The following CEP295 variants were observed in gnomAD, a reference collection of about 807,000 sequenced individuals.
CEP295 encodes the protein centrosomal protein 295.
In CEP295, 190 loss-of-function variants were observed where a neutral mutation model predicts 291.6. That is an observed-to-expected ratio of 0.65 (90% CI 0.58 to 0.73). CEP295 has a LOEUF of 0.73. Ranked by LOEUF, CEP295 falls within the 30% of genes least tolerant of loss-of-function variation. CEP295 has a pLI of 0.00. For synonymous variants in CEP295, 993 were observed against 1,038.8 expected, an observed-to-expected ratio of 0.96 and a Z score of 0.85; for missense variants, 2,863 against 2,949.4, an observed-to-expected ratio of 0.97 and a Z score of 0.68.
chr11:93,699,234 G>A lies in CEP295; in HGVS notation c.4322G>A (p.Gly1441Glu), dbSNP rs3802773. The change falls in exon 15 of 30, where the codon GGG (glycine) becomes GAG (glutamate). Residue 1441 changes from glycine to glutamate, a missense_variant. Gly to Glu is a moderately conservative substitution (Grantham distance 98). This residue lies in a region of CEP295 where 2,295 missense variants were observed against 2,335.7 expected (regional missense o/e 0.98). Coordinates refer to ENST00000325212, the MANE Select transcript of CEP295 (RefSeq NM_033395.2). ...GHSEIPTLPD[G>E]LLGLSHLVLP... ...TCAGAGATACCAACATTGCCTGATG[G>A]GCTGTTGGGTTTATCACATCTTGTT... 2.2e-3 allele frequency: 3,405 copies of A among 1,551,728 alleles called. 99 individuals are homozygous for A. The East Asian group carries it at 0.068, about 31-fold the overall frequency.
chr11:93,685,788 A>G (rs534271676), intron 9 of CEP295, among the ~76,000 whole-genome samples: 215 of 152,130 alleles, frequency 1.4e-3, no homozygotes, highest in African/African-American at 4.8e-3. Flanking sequence ...TTGGCTCACC[A>G]CAACCTCCAC....
intron 22 of CEP295, among the ~76,000 whole-genome samples, chr11:93,725,138 C>G (rs1007545604): frequency 1.3e-5 from 2 of 151,844 alleles, no homozygotes; most frequent in Non-Finnish European, 2.9e-5. Context: ...CCTGTAGTCC[C>G]AGCTACTCGG....
At position 93,699,332 on chromosome 11, in the gene CEP295, G is replaced by C; in HGVS notation, c.4420G>C (p.Glu1474Gln). 1 of 1,552,016 alleles carries C rather than the reference G, an allele frequency of 6.4e-7. No homozygotes were observed. Among genetic ancestry groups the C allele is most frequent in the South Asian group, 1.2e-5 (1 of 84,050 alleles). The part of the protein sequence containing the change: ...HAQTDFLPSI[E>Q]KTQKELVLSK... Reference sequence around the variant, plus strand: ...ACAGACAGATTTCCTTCCTTCTATTGAGAAAACCCAGAAAGAATTGGTTTT... The same window carrying C: ...ACAGACAGATTTCCTTCCTTCTATTCAGAAAACCCAGAAAGAATTGGTTTT... Residue 1474 changes from glutamate to glutamine, a missense_variant, in exon 15 of 30, where the codon GAG (glutamate) becomes CAG (glutamine). Transcript: ENST00000325212.
At position 93,697,588 on chromosome 11, in the gene CEP295, A is replaced by G; in HGVS notation, c.2676A>G (p.Val892=). 1 of 1,551,794 alleles carries G rather than the reference A, an allele frequency of 6.4e-7. No individual in the cohort carries two copies. The highest frequency in any genetic ancestry group is 8.7e-7 in the Non-Finnish European group (1 of 1,146,984). ...QTGLSVFLPL[V]TPDSSALLPS... ...GCCTCTCGGTATTCCTTCCCTTGGT[A>G]ACTCCAGATTCATCTGCTTTATTGC... The change falls in exon 15 of 30, where the codon GTA becomes GTG. Residue 892 remains valine (V), a synonymous_variant. Transcript: ENST00000325212.
In CEP295 at chr11:93,679,567, C is replaced by T. The variant is rs1009160029; in HGVS notation, c.765+15C>T. On this transcript the variant is annotated intron_variant, in intron 7 of 29. Transcript: ENST00000325212. ...ATTTGGCTCAAGTAAGACTTATATT[C>T]TACCCATGACCATTACTCATGGACT... 6.5e-7 allele frequency: 1 copy of T among 1,548,344 alleles called. No homozygotes were observed. Among genetic ancestry groups the T allele is most frequent in the South Asian group, 1.2e-5 (1 of 83,634 alleles).
At chr11:93,692,727 C>T (rs963140765) in intron 12 of CEP295, among the ~76,000 whole-genome samples, 1 of 152,018 alleles carries the variant, frequency 6.6e-6, no homozygotes, top group African/African-American at 2.4e-5. Flanking sequence ...AATCCCAGCA[C>T]TTTGGGAGGC....
chr11:93,695,455 A>G, intron 12 of CEP295, 42 bp from the exon 13 acceptor site: 2 of 1,285,322 alleles, frequency 1.6e-6, no homozygotes, highest in East Asian at 6.1e-5. Context: ...TTGCCTTTGT[A>G]TGAGTTTGTT....
At chr11:93,669,869 GTTTT>G in intron 5 of CEP295, 99 bp downstream of exon 5, 1 of 725,260 alleles carries the variant, frequency 1.4e-6, no homozygotes, top group Non-Finnish European at 2.3e-6. Context: ...AATTGTACAA[GTTTT>G]CTTGTACAAT....
chr11:93,697,947 C>G lies in CEP295; in HGVS notation c.3035C>G (p.Thr1012Arg), dbSNP rs1029785249. 1.9e-5 allele frequency: 29 copies of G among 1,551,556 alleles called. No individual in the cohort carries two copies. The Admixed American group carries it at 3.7e-4, about 20-fold the overall frequency. Residue 1012 changes from threonine to arginine, a missense_variant, in exon 15 of 30, where the codon ACA (threonine) becomes AGA (arginine). Physicochemically the swap from Thr to Arg is moderately conservative, Grantham distance 71 (BLOSUM62 -1). Transcript: ENST00000325212. The part of the protein sequence containing the change: ...HTFTSLPSAD[T>R]KSGKIQEQHS... The stretch of plus-strand genomic sequence containing the variant: ...TTTACTTCACTACCATCTGCTGATA[C>G]AAAATCTGGAAAAATACAGGAGCAA...
Position 93,702,446 on chromosome 11 carries a change from C to A in CEP295, c.5275-14C>A. On this transcript the variant is annotated splice_polypyrimidine_tract_variant and intron_variant, in intron 15 of 29. Transcript: ENST00000325212. ...CCAACTTGTGCTTCCCCACCCTCAT[C>A]TCCACTTTTTCAGATAAGTAAGCCC... The A allele has an allele frequency of 6.6e-7, 1 of 1,510,152 alleles. No homozygotes were observed. The highest frequency in any genetic ancestry group is 8.9e-7 in the Non-Finnish European group (1 of 1,129,546). The allele number at this position is 1,510,152 out of a possible 1,614,324, so 93.5% of individuals were successfully genotyped here.
Position 93,687,802 on chromosome 11 carries a change from C to T in CEP295, c.1273C>T (p.Pro425Ser), listed in dbSNP as rs1228282977. Residue 425 changes from proline to serine, a missense_variant, in exon 10 of 30, where the codon CCA (proline) becomes TCA (serine). Physicochemically the swap from Pro to Ser is moderately conservative, Grantham distance 74. Coordinates refer to ENST00000325212, the MANE Select transcript of CEP295 (RefSeq NM_033395.2). ...TGTTAGTGAAATTGAGAGTAAAGCA[C>T]CAACGGTTGAGTCAGGAACAATTGC... Reference protein sequence around the residue: ...TTVSEIESKAPTVESGTIASK... With the variant: ...TTVSEIESKASTVESGTIASK... 6.4e-7 allele frequency: 1 copy of T among 1,551,320 alleles called. No homozygotes were observed. The highest frequency in any genetic ancestry group is 2.4e-5 in the East Asian group (1 of 40,880).
intron 12 of CEP295, 71 bp downstream of exon 12, chr11:93,692,101 T>G: frequency 6.0e-6 from 5 of 830,988 alleles, no homozygotes; most frequent in Non-Finnish European, 9.6e-6. Context: ...GTTTGGCCAA[T>G]GAAATTTGTC....
At chr11:93,713,449 A>T (rs1344016502) in intron 18 of CEP295, among the ~76,000 whole-genome samples, 1 of 152,150 alleles carries the variant, frequency 6.6e-6, no homozygotes, top group African/African-American at 2.4e-5. Flanking sequence ...CTTTTGAAGG[A>T]TATTTTTGCC....
intron 18 of CEP295, among the ~76,000 whole-genome samples, chr11:93,708,294 C>T (rs1023605590): frequency 2.6e-5 from 4 of 152,154 alleles, no homozygotes; most frequent in East Asian, 3.8e-4. Context: ...ACTCCCCCAA[C>T]GACCCCCAAC....
At chr11:93,716,547 AG>A (rs1479005056) in intron 18 of CEP295, among the ~76,000 whole-genome samples, 2 of 152,166 alleles carry the variant, frequency 1.3e-5, no homozygotes, top group African/African-American at 2.4e-5. Context: ...TGTATACAGG[AG>A]GGTATCTTTA....
chr11:93,707,709 A>G (rs939374453), intron 18 of CEP295, among the ~76,000 whole-genome samples: 1 of 152,024 alleles, frequency 6.6e-6, no homozygotes, highest in Non-Finnish European at 1.5e-5. Context: ...AGATCAAGCC[A>G]CTGCACTCCA....
In CEP295 at chr11:93,698,884, T is replaced by C. The variant is rs764218629; in HGVS notation, c.3972T>C (p.Phe1324=). 8 of 1,551,598 alleles carry C rather than the reference T, an allele frequency of 5.2e-6. No individual in the cohort carries two copies. The highest frequency in any genetic ancestry group is 2.0e-5 in the Admixed American group (1 of 50,970). The change falls in exon 15 of 30, where the codon TTT becomes TTC. Residue 1324 remains phenylalanine, a synonymous_variant. Transcript: ENST00000325212. ...PLFTESESKI[F]SSHLQIPQLQ... is the part of the protein sequence containing the mutation. ...TTACAGAGAGTGAAAGTAAAATTTTTTCAAGCCACCTTCAGATCCCACAAT... is the reference window on the plus strand; with the variant it reads ...TTACAGAGAGTGAAAGTAAAATTTTCTCAAGCCACCTTCAGATCCCACAAT...
chr11:93,679,367 C>G, intron 6 of CEP295, 45 bp from the exon 7 acceptor site: 2 of 1,518,666 alleles, frequency 1.3e-6, no homozygotes, highest in Non-Finnish European at 1.8e-6. Context: ...TACTGCTTGT[C>G]TCACACTTTA....
At position 93,727,142 on chromosome 11, in the gene CEP295, GA is replaced by G; in HGVS notation, c.6673del (p.Ile2225LeufsTer8). Reference protein sequence around the residue: ...EEHTEILQNKKKIVHFQLSIG... With the variant: ...EEHTEILQNKXKIVHFQLSIG... ...AACATACTGAAATATTACAAAACAA[GA>G]AAAAAATTGTTCATTTCCAGCTTTC... On this transcript the variant is annotated frameshift_variant, in exon 24 of 30. Coordinates refer to ENST00000325212, the MANE Select transcript of CEP295 (RefSeq NM_033395.2). LOFTEE classifies it high-confidence loss of function. 1 of 1,549,436 alleles carries G rather than the reference GA, an allele frequency of 6.5e-7. No individual in the cohort carries two copies. Among genetic ancestry groups the G allele is most frequent in the Non-Finnish European group, 8.7e-7 (1 of 1,146,356 alleles).
Sources: allele counts gnomAD v4.1 joint callset (sites outside exome capture counted in the v4.1 genomes callset), GRCh38; gene constraint gnomAD v4.1.1; regional missense constraint gnomAD v4.1.1; transcripts MANE v1.5; gene names NCBI Gene and HGNC (gene_info 2026-07-23, HGNC 2026-07-21).